The following DGKK variants were observed in gnomAD, a reference collection of about 807,000 sequenced individuals.
The protein encoded by DGKK is diacylglycerol kinase kappa, also known as 142 kDa diacylglycerol kinase.
Under a neutral mutation model 92.2 loss-of-function variants are expected in DGKK, and 35 were observed. The observed-to-expected ratio is 0.38, with a 90% CI of 0.29 to 0.50. DGKK has a LOEUF of 0.50. Ranked by LOEUF, DGKK falls within the 20% of genes least tolerant of loss-of-function variation. DGKK has a pLI of 0.92. For synonymous variants in DGKK, 368 were observed against 360.6 expected (o/e 1.02, Z -0.23); for missense variants, 910 against 992.2 (o/e 0.92, Z 1.11).
At chrX:50,431,465 AT>A (rs1207492462) in intron 1 of DGKK, among the ~76,000 whole-genome samples, 12 of 111,711 alleles carry the variant, frequency 1.1e-4, no homozygotes, top group Middle Eastern at 4.6e-3. Context: ...ACTACCTGTT[AT>A]TAGTTGGCTG....
intron 14 of DGKK, among the ~76,000 whole-genome samples, chrX:50,387,137 C>T (rs1433464580): frequency 8.9e-6 from 1 of 111,937 alleles, no homozygotes; most frequent in East Asian, 2.8e-4. Flanking sequence ...GGAATAAATA[C>T]ATTAATACAT....
At chrX:50,389,010 CTT>C (rs1557225280) in intron 12 of DGKK, among the ~76,000 whole-genome samples, 1 of 111,746 alleles carries the variant, frequency 8.9e-6, no homozygotes, top group Non-Finnish European at 1.9e-5. Flanking sequence ...ACAGCACCCA[CTT>C]ATATAGTACT....
intron 4 of DGKK, among the ~76,000 whole-genome samples, chrX:50,406,641 G>A (rs1925161498): frequency 9.0e-6 from 1 of 111,624 alleles, no homozygotes; most frequent in Admixed American, 9.5e-5. Context: ...TGATGCATCT[G>A]CAAGCCAAAA....
intron 16 of DGKK, 73 bp downstream of exon 16, chrX:50,384,647 C>T (rs1640765344): frequency 2.1e-6 from 2 of 961,261 alleles, no homozygotes; most frequent in Non-Finnish European, 2.9e-6. Flanking sequence ...ATAAAAAATA[C>T]ATATTTATTC....
chrX:50,439,536 C>T (rs1010066447), intron 1 of DGKK, among the ~76,000 whole-genome samples: 10 of 111,077 alleles, frequency 9.0e-5, no homozygotes, highest in Non-Finnish European at 1.5e-4. Flanking sequence ...TAAATTAGAA[C>T]ACAAGTCTTG....
At chrX:50,427,641 AG>A (rs1348974786) in intron 1 of DGKK, among the ~76,000 whole-genome samples, 1 of 106,139 alleles carries the variant, frequency 9.4e-6, no homozygotes, top group African/African-American at 3.4e-5. Flanking sequence ...TCAGTTTAGT[AG>A]CCCCAAGCAG....
At chrX:50,444,267 T>C (rs1409463857) in intron 1 of DGKK, among the ~76,000 whole-genome samples, 4 of 112,079 alleles carry the variant, frequency 3.6e-5, no homozygotes, top group African/African-American at 1.3e-4. Flanking sequence ...TGTATCATTT[T>C]ACATTTCCAC....
intron 22 of DGKK, among the ~76,000 whole-genome samples, chrX:50,377,448 G>A (rs1924303253): frequency 8.9e-6 from 1 of 112,299 alleles, no homozygotes; most frequent in Non-Finnish European, 1.9e-5. Context: ...TAAGATTGTG[G>A]AGAGAACCTA....
At chrX:50,441,996 C>T (rs958939590) in intron 1 of DGKK, among the ~76,000 whole-genome samples, 1 of 111,443 alleles carries the variant, frequency 9.0e-6, no homozygotes, top group Admixed American at 9.6e-5. Context: ...TCCTTGTCCT[C>T]TTGTTGAGTT....
At chrX:50,401,707 T>A (rs1218243667) in intron 7 of DGKK, among the ~76,000 whole-genome samples, 1 of 109,425 alleles carries the variant, frequency 9.1e-6, no homozygotes, top group Admixed American at 9.7e-5. Flanking sequence ...AATTACACAT[T>A]TTCTAGGGGG....
chrX:50,436,751 C>T (rs12171755), intron 1 of DGKK, among the ~76,000 whole-genome samples: 32,519 of 108,093 alleles, frequency 0.3, 3,755 homozygotes, highest in Admixed American at 0.41. Flanking sequence ...GTAATAATAC[C>T]GTGACTCAAA....
rs782690037 is a variant in DGKK at position 50,452,137 on chromosome X, G to A, written c.645+17897C>T. ...ATATCATAAATAAGGAAAATGAGAC[G>A]CAGAAAGGTGAGTGAGGGTCTTTGC... On this transcript the variant is annotated intron_variant, in intron 1 of 27. Coordinates refer to ENST00000611977, the MANE Select transcript of DGKK (RefSeq NM_001013742.4). Among the ~76,000 whole-genome samples, 60 of 111,632 alleles carry A rather than the reference G, an allele frequency of 5.4e-4. 2 individuals carry two copies. The highest frequency in any genetic ancestry group is 3.8e-3 in the South Asian group (10 of 2,632).
At position 50,469,792 on chromosome X, in the gene DGKK, C is replaced by T. The variant is rs147323413; in HGVS notation, c.645+242G>A. Among the ~76,000 whole-genome samples, 147 of 112,549 alleles carry T rather than the reference C, an allele frequency of 1.3e-3. 3 individuals carry two copies. In the East Asian group the frequency reaches 0.028, roughly 21 times the overall value. On this transcript the variant is annotated intron_variant, in intron 1 of 27. Coordinates refer to ENST00000611977, the MANE Select transcript of DGKK (RefSeq NM_001013742.4). ...TCAAGGGGAAAACTGCTCCGATTCC[C>T]ACCCCCTGCTGTCACCCCCGTTTCT...
Position 50,380,083 on chromosome X carries a change from T to C in DGKK, c.2658-6A>G. The C allele has an allele frequency of 8.4e-7, 1 of 1,190,075 alleles. No individual in the cohort carries two copies. Among genetic ancestry groups the C allele is most frequent in the Non-Finnish European group, 1.1e-6 (1 of 875,969 alleles). On this transcript the variant is annotated splice_polypyrimidine_tract_variant and splice_region_variant and intron_variant, in intron 18 of 27. Coordinates refer to ENST00000611977, the MANE Select transcript of DGKK (RefSeq NM_001013742.4). The stretch of plus-strand genomic sequence containing the variant: ...TCTTGTTCTTAAGGCGGCTACTACA[T>C]GGAGGTAAGCATTAAGAAAGCAGAG...
chrX:50,410,231 G>A (rs1925270726), intron 4 of DGKK, among the ~76,000 whole-genome samples: 1 of 112,162 alleles, frequency 8.9e-6, no homozygotes, highest in Non-Finnish European at 1.9e-5. Context: ...AATTTTAAAG[G>A]AGATTTTGGT....
At chrX:50,432,925 G>A (rs1355157441) in intron 1 of DGKK, among the ~76,000 whole-genome samples, 1 of 111,756 alleles carries the variant, frequency 8.9e-6, no homozygotes, top group Non-Finnish European at 1.9e-5. Context: ...ATCACTAATT[G>A]TTTGGGGTAT....
chrX:50,386,664 T>C (rs928888600), intron 14 of DGKK, 78 bp from the exon 15 acceptor site: 11 of 895,894 alleles, frequency 1.2e-5, no homozygotes, highest in Non-Finnish European at 1.7e-5. Context: ...GTGGTGGTGA[T>C]ATGGGGAAGG....
Position 50,384,838 on chromosome X carries a change from T to C in DGKK, c.2348-14A>G, listed in dbSNP as rs1924504275. The C allele has an allele frequency of 8.7e-7, 1 of 1,154,224 alleles. No homozygotes were observed. Among genetic ancestry groups the C allele is most frequent in the South Asian group, 2.0e-5 (1 of 50,985 alleles). ...CCTCATCCAGAGCTATAGAGAAAAG[T>C]GGGAGGAAGGAAAGCAAAAAAGAAA... On this transcript the variant is annotated splice_polypyrimidine_tract_variant and intron_variant, in intron 15 of 27. Transcript: ENST00000611977.
At chrX:50,385,003 C>T (rs1924511395) in intron 15 of DGKK, among the ~76,000 whole-genome samples, 179 bp from the exon 16 acceptor site, 1 of 112,066 alleles carries the variant, frequency 8.9e-6, no homozygotes, top group Non-Finnish European at 1.9e-5. Context: ...ACCATCACGT[C>T]TCCTCCATGA....
Sources: allele counts gnomAD v4.1 joint callset (sites outside exome capture counted in the v4.1 genomes callset), GRCh38; gene constraint gnomAD v4.1.1; transcripts MANE v1.5; gene names NCBI Gene and HGNC (gene_info 2026-07-23, HGNC 2026-07-21).